NDST4: variants seen among roughly 807,000 people sequenced by gnomAD.
The protein encoded by NDST4 is N-heparan sulfate sulfotransferase 4.
NDST4 carries 63 observed loss-of-function variants against 100.8 expected under a neutral mutation model. The observed-to-expected ratio is 0.62, with a 90% confidence interval of 0.51 to 0.77. The LOEUF (loss-of-function observed/expected upper bound fraction) is 0.77, where lower values mean the gene tolerates loss of function less well. Ranked by LOEUF, NDST4 falls within the 30% of genes least tolerant of loss-of-function variation. The pLI is 0.00. For missense variants in NDST4, 943 were observed against 1,018.4 expected (o/e 0.93, Z 1.01); for synonymous variants, 377 against 361.8 (o/e 1.04, Z -0.48).
At chr4:114,901,752 C>A (rs1308218422) in intron 6 of NDST4, among the ~76,000 whole-genome samples, 1 of 151,446 alleles carries the variant, frequency 6.6e-6, no homozygotes, top group Non-Finnish European at 1.5e-5. Flanking sequence ...TTTAGTTAAG[C>A]ATTGCATATC....
intron 10 of NDST4, among the ~76,000 whole-genome samples, chr4:114,840,781 G>A (rs1295261982): frequency 6.6e-6 from 1 of 152,144 alleles, no homozygotes; most frequent in Non-Finnish European, 1.5e-5. Context: ...CTATGACTGT[G>A]TAATGGCTGG....
chr4:115,050,646 T>C (rs1174384259), intron 2 of NDST4, among the ~76,000 whole-genome samples: 1 of 152,148 alleles, frequency 6.6e-6, no homozygotes, highest in African/African-American at 2.4e-5. Context: ...GAATTATAGT[T>C]TGTAACATTC....
chr4:114,929,109 C>CTATCT (rs1560817101), intron 6 of NDST4, among the ~76,000 whole-genome samples: 103 of 112,852 alleles, frequency 9.1e-4, no homozygotes, highest in Admixed American at 2.1e-3. Flanking sequence ...TCCATCCATC[C>CTATCT]ATCCATCTAT....
chr4:114,873,316 C>T (rs570855776), intron 6 of NDST4, among the ~76,000 whole-genome samples: 1 of 151,572 alleles, frequency 6.6e-6, no homozygotes, highest in South Asian at 2.1e-4. Flanking sequence ...TTAAGTTAAA[C>T]CACTTAATCT....
intron 2 of NDST4, among the ~76,000 whole-genome samples, chr4:114,997,029 G>A (rs914277751): frequency 6.6e-6 from 1 of 151,994 alleles, no homozygotes; most frequent in African/African-American, 2.4e-5. Context: ...GTTGTATTTT[G>A]TTGCTTAAAT....
chr4:114,837,891 A>G (rs1199738353), intron 11 of NDST4, among the ~76,000 whole-genome samples: 1 of 152,222 alleles, frequency 6.6e-6, no homozygotes, highest in African/African-American at 2.4e-5. Context: ...TGAACAGACT[A>G]CCTAAAGAAT....
chr4:115,042,960 T>C lies in NDST4; in HGVS notation c.978+33099A>G, dbSNP rs554612370. ...ACTAGCATATGTTGTGCCTGACAGA[T>C]GTCTCTGTGTTTTTTTCAAATATTT... On this transcript the variant is annotated intron_variant, in intron 2 of 13. Coordinates refer to ENST00000264363, the MANE Select transcript of NDST4 (RefSeq NM_022569.3). Among the ~76,000 whole-genome samples, 6 of 152,180 alleles carry C rather than the reference T, an allele frequency of 3.9e-5. 1 individual carries two copies. In the South Asian group the frequency reaches 1.2e-3, roughly 32 times the overall value.
intron 2 of NDST4, among the ~76,000 whole-genome samples, chr4:114,980,633 A>G (rs1726746177): frequency 6.7e-6 from 1 of 149,826 alleles, no homozygotes; most frequent in Non-Finnish European, 1.5e-5. Context: ...CAAGAGTGAA[A>G]CTCCATCTCA....
intron 2 of NDST4, among the ~76,000 whole-genome samples, chr4:115,074,168 T>C (rs1729133762): frequency 6.6e-6 from 1 of 151,980 alleles, no homozygotes; most frequent in South Asian, 2.1e-4. Context: ...CTCAAGCCTT[T>C]GTTAAATTAT....
rs569529482 is a variant in NDST4, at chr4:114,961,749, C to T, written c.1221+8681G>A. On this transcript the variant is annotated intron_variant, in intron 4 of 13. Transcript: ENST00000264363. Reference sequence around the variant, plus strand: ...GAACAGGTGACTTCTACCAAACATACAAAAAATAATTAATGCTTGTAATTT... The same window carrying T: ...GAACAGGTGACTTCTACCAAACATATAAAAAATAATTAATGCTTGTAATTT... Among the ~76,000 whole-genome samples, 9 of 152,006 alleles carry T rather than the reference C, an allele frequency of 5.9e-5. No individual in the cohort carries two copies. The South Asian group carries it at 1.5e-3, about 25-fold the overall frequency.
chr4:115,097,815 C>T (rs1729651072), intron 1 of NDST4, among the ~76,000 whole-genome samples: 1 of 152,180 alleles, frequency 6.6e-6, no homozygotes, highest in Non-Finnish European at 1.5e-5. Flanking sequence ...TATTCTACTA[C>T]ATCTTCCCTA....
intron 13 of NDST4, among the ~76,000 whole-genome samples, chr4:114,829,289 T>A (rs535814947): frequency 6.6e-6 from 1 of 152,302 alleles, no homozygotes; most frequent in South Asian, 2.1e-4. Flanking sequence ...TCGTTTGTCA[T>A]TGTTTTACGT....
intron 2 of NDST4, among the ~76,000 whole-genome samples, chr4:115,043,014 C>T (rs1277722042): frequency 6.6e-6 from 1 of 151,680 alleles, no homozygotes; most frequent in Non-Finnish European, 1.5e-5. Flanking sequence ...TGGGAGTTTA[C>T]TGGATGTTTA....
chr4:114,872,031 C>T (rs1027855654), intron 6 of NDST4, among the ~76,000 whole-genome samples: 10 of 151,916 alleles, frequency 6.6e-5, no homozygotes, highest in East Asian at 1.9e-4. Context: ...TATGGAAACT[C>T]GCTGACACTT....
intron 7 of NDST4, among the ~76,000 whole-genome samples, chr4:114,862,515 A>G (rs1214835431): frequency 6.6e-6 from 1 of 152,160 alleles, no homozygotes; most frequent in African/African-American, 2.4e-5. Context: ...TAGCAAAGGT[A>G]GAAGAGTAGA....
At chr4:114,963,809 G>A (rs777604295) in intron 4 of NDST4, among the ~76,000 whole-genome samples, 3 of 152,064 alleles carry the variant, frequency 2.0e-5, no homozygotes, top group Non-Finnish European at 4.4e-5. Context: ...TAGTTAATAC[G>A]CAAATATTTT....
At chr4:114,943,033 AATTAT>A (rs908136655) in intron 4 of NDST4, among the ~76,000 whole-genome samples, 8 of 147,280 alleles carry the variant, frequency 5.4e-5, no homozygotes, top group East Asian at 3.9e-4. Flanking sequence ...ATATAATTTA[AATTAT>A]ATTATATGAT....
At chr4:115,086,968 A>G (rs1345321403) in intron 1 of NDST4, among the ~76,000 whole-genome samples, 1 of 152,064 alleles carries the variant, frequency 6.6e-6, no homozygotes, top group East Asian at 1.9e-4. Context: ...TCTGGTAATC[A>G]CTGCTTGGAA....
chr4:114,839,793 T>C (rs1723388168), intron 10 of NDST4, among the ~76,000 whole-genome samples: 1 of 152,150 alleles, frequency 6.6e-6, no homozygotes, highest in Non-Finnish European at 1.5e-5. Flanking sequence ...TATTTTAAAG[T>C]AAATTAAAGT....
Sources: allele counts gnomAD v4.1 joint callset (sites outside exome capture counted in the v4.1 genomes callset), GRCh38; gene constraint gnomAD v4.1.1; transcripts MANE v1.5; gene names NCBI Gene and HGNC (gene_info 2026-07-23, HGNC 2026-07-21).